HEMGN: variants seen among roughly 807,000 people sequenced by gnomAD.
HEMGN encodes the protein erythroid differentiation-associated gene protein.
A neutral mutation model predicts 45.7 loss-of-function variants in HEMGN; 32 were observed. The observed-to-expected ratio is 0.70, with a 90% CI of 0.53 to 0.94. The LOEUF (loss-of-function observed/expected upper bound fraction) is 0.94. Ranked by LOEUF, HEMGN falls within the 40% of genes least tolerant of loss-of-function variation. The pLI, the probability that HEMGN is intolerant of heterozygous loss-of-function variation, is 0.00. For synonymous variants in HEMGN, 183 were observed against 178.6 expected (o/e 1.02, Z -0.20); for missense variants, 530 against 564.2 (o/e 0.94, Z 0.61).
At chr9:97,938,385 G>A, upstream of HEMGN, 1 of 402,020 alleles carries the variant, frequency 2.5e-6, no homozygotes, top group Non-Finnish European at 4.4e-6. Flanking sequence ...AGCATAGGTT[G>A]CTATTTATAC....
At chr9:97,933,667 G>A (rs1361431103) in intron 2 of HEMGN, among the ~76,000 whole-genome samples, 1 of 152,158 alleles carries the variant, frequency 6.6e-6, no homozygotes, top group Non-Finnish European at 1.5e-5. Flanking sequence ...AAGGGCTCTG[G>A]CTACCAAGTA....
intron 3 of HEMGN, 71 bp downstream of exon 3, chr9:97,929,964 T>C: frequency 1.8e-6 from 2 of 1,091,118 alleles, no homozygotes; most frequent in South Asian, 2.9e-5. Context: ...ATACCCAGGA[T>C]TGTCAGAGAA....
intron 2 of HEMGN, 96 bp from the exon 3 acceptor site, chr9:97,931,317 C>T: frequency 1.2e-6 from 1 of 867,834 alleles, no homozygotes; most frequent in East Asian, 2.4e-5. Context: ...CCTCATTGCA[C>T]AAGTATCATG....
chr9:97,931,130 G>A lies in HEMGN; in HGVS notation c.265C>T (p.Gln89Ter), dbSNP rs373987605. The A allele has an allele frequency of 6.2e-7, 1 of 1,614,092 alleles. No individual in the cohort carries two copies. Among genetic ancestry groups the A allele is most frequent in the South Asian group, 1.1e-5 (1 of 91,086 alleles). Residue 89 changes from glutamine (Q) to a stop codon, truncating the protein, a stop_gained, in exon 3 of 4, where the codon CAG becomes TAG. Coordinates refer to ENST00000616898, the MANE Select transcript of HEMGN (RefSeq NM_197978.3). LOFTEE classifies it high-confidence loss of function. Reference sequence around the variant, plus strand: ...ACTATTTCCTTTTCTATCTGTGGCTGAGGCTCCACCTTCAATTCTGTGTTT... The same window carrying A: ...ACTATTTCCTTTTCTATCTGTGGCTAAGGCTCCACCTTCAATTCTGTGTTT... ...QQNTELKVEP[Q>*]PQIEKEIVEK...
chr9:97,940,222 G>A (rs774826835), upstream of HEMGN, among the ~76,000 whole-genome samples: 3 of 152,136 alleles, frequency 2.0e-5, no homozygotes, highest in East Asian at 1.9e-4. Context: ...CTGTAGAGAC[G>A]GATGGTGCAG....
upstream of HEMGN, among the ~76,000 whole-genome samples, chr9:97,942,274 C>CTTTTTTTTTTTTTTTTTTT (rs56055830): frequency 7.8e-6 from 1 of 128,188 alleles, no homozygotes. Context: ...CTAATTCCTT[C>CTTTTTTTTTTTTTTTTTTT]TTTTTTTTTT....
In HEMGN at chr9:97,931,073, T is replaced by A; in HGVS notation, c.322A>T (p.Thr108Ser). Residue 108 changes from threonine to serine, a missense_variant, in exon 3 of 4, where the codon ACT (threonine) becomes TCT (serine). Thr to Ser is a moderately conservative substitution (Grantham distance 58). Transcript: ENST00000616898. ...TTGGTTATGCTCCCAGGTGGCTCAG[T>A]TTTTTTCTCTATAGGTGCCAGTGCT... The part of the protein sequence containing the change: ...EKALAPIEKK[T>S]EPPGSITKVF... 2 of 1,614,042 alleles carry A rather than the reference T, an allele frequency of 1.2e-6. No homozygotes were observed. The highest frequency in any genetic ancestry group is 1.7e-6 in the Non-Finnish European group (2 of 1,180,012).
At position 97,931,018 on chromosome 9, in the gene HEMGN, T is replaced by A; in HGVS notation, c.377A>T (p.Lys126Ile). The change falls in exon 3 of 4, where the codon AAA becomes ATA. Residue 126 changes from lysine to isoleucine, a missense_variant. Transcript: ENST00000616898. ...AGAAAAGTGTTCCTCAGGCACAACT[T>A]TTTGCGGGGAGGCTACTGAAGGAAA... ...KVFPSVASPQKVVPEEHFSEI... is the reference protein window; with the variant it reads ...KVFPSVASPQIVVPEEHFSEI... The A allele has an allele frequency of 6.2e-7, 1 of 1,614,116 alleles. No individual in the cohort carries two copies. Among genetic ancestry groups the A allele is most frequent in the African/African-American group, 1.3e-5 (1 of 75,046 alleles).
At chr9:97,933,490 C>T (rs1826995632) in intron 2 of HEMGN, among the ~76,000 whole-genome samples, 1 of 152,160 alleles carries the variant, frequency 6.6e-6, no homozygotes, top group Non-Finnish European at 1.5e-5. Context: ...GCAGGCTGCA[C>T]AGATAAGGAG....
rs566990681 is a variant in HEMGN, at chr9:97,935,495, C to T, written c.173+676G>A. Among the ~76,000 whole-genome samples the T allele has an allele frequency of 2.7e-4, 41 of 152,300 alleles. 1 individual carries two copies. The highest frequency in any genetic ancestry group is 4.9e-4 in the Non-Finnish European group (33 of 68,024). Reference sequence around the variant, plus strand: ...AGCCCCCCACACAACAGGAAGTTCTCCTGCCCCCAGTGTCAGCAGTGCCAA... The same window carrying T: ...AGCCCCCCACACAACAGGAAGTTCTTCTGCCCCCAGTGTCAGCAGTGCCAA... On this transcript the variant is annotated intron_variant, in intron 2 of 3. Coordinates refer to ENST00000616898, the MANE Select transcript of HEMGN (RefSeq NM_197978.3).
chr9:97,934,376 G>A (rs964060531), intron 2 of HEMGN, among the ~76,000 whole-genome samples: 4 of 135,302 alleles, frequency 3.0e-5, no homozygotes, highest in Admixed American at 8.3e-5. Flanking sequence ...ATGAATGAGA[G>A]AAAGAGAAAA....
chr9:97,935,865 A>G (rs1947015), intron 2 of HEMGN, among the ~76,000 whole-genome samples: 14,109 of 152,224 alleles, frequency 0.093, 871 homozygotes, highest in Admixed American at 0.13. Context: ...TTCTATGTTT[A>G]TATTACCTAG....
chr9:97,935,909 C>T (rs1184273730), intron 2 of HEMGN, among the ~76,000 whole-genome samples: 2 of 152,110 alleles, frequency 1.3e-5, no homozygotes, highest in South Asian at 2.1e-4. Flanking sequence ...CAATATAATT[C>T]GGTTGCTCAG....
Position 97,930,955 on chromosome 9 carries a change from AAATTCTCCTGAT to A in HEMGN, c.428_439del (p.Tyr143_Asn146del). On this transcript the variant is annotated inframe_deletion, in exon 3 of 4. Transcript: ENST00000616898. ...TACTGCTATTTCTTGGTACTCAGAA[AAATTCTCCTGAT>A]ATATGTTACTTTCTTGACATATTTC... The A allele has an allele frequency of 6.2e-7, 1 of 1,614,188 alleles. No individual in the cohort carries two copies. The highest frequency in any genetic ancestry group is 8.5e-7 in the Non-Finnish European group (1 of 1,180,018).
At chr9:97,933,873 G>A (rs904247694) in intron 2 of HEMGN, among the ~76,000 whole-genome samples, 2 of 152,164 alleles carry the variant, frequency 1.3e-5, no homozygotes, top group Non-Finnish European at 2.9e-5. Context: ...GCTCACTAAG[G>A]TGTTATCCAT....
At chr9:97,929,968 C>G in intron 3 of HEMGN, 67 bp downstream of exon 3, 1 of 1,157,174 alleles carries the variant, frequency 8.6e-7, no homozygotes, top group Non-Finnish European at 1.3e-6. Context: ...CCAGGATTGT[C>G]AGAGAAAGTT....
At position 97,927,134 on chromosome 9, in the gene HEMGN, C is replaced by G. The variant is rs1004675320; in HGVS notation, c.*250G>C. 6.1e-5 allele frequency: 18 copies of G among 292,812 alleles called. No individual in the cohort carries two copies. Among genetic ancestry groups the G allele is most frequent in the African/African-American group, 3.3e-4 (15 of 45,584 alleles). 18.1% of individuals were successfully genotyped at this position (292,812 alleles called of 1,614,324 possible). The stretch of plus-strand genomic sequence containing the variant: ...CTCCCCGCTTCCTTATTTGTCTGTT[C>G]CCACCACTATCCTCTCCCCGACCTA... On this transcript the variant is annotated 3_prime_UTR_variant, in exon 4 of 4. Transcript: ENST00000616898.
chr9:97,940,410 A>G (rs1827135119), upstream of HEMGN, among the ~76,000 whole-genome samples: 1 of 152,098 alleles, frequency 6.6e-6, no homozygotes, highest in East Asian at 1.9e-4. Flanking sequence ...TGGGGTTTCA[A>G]GTTAACAGTA....
chr9:97,931,959 C>T (rs1826961848), intron 2 of HEMGN, among the ~76,000 whole-genome samples: 3 of 151,972 alleles, frequency 2.0e-5, no homozygotes, highest in Admixed American at 2.0e-4. Flanking sequence ...CAAATACAAC[C>T]AAATACAGAT....
Sources: gnomAD v4.1 joint callset for allele counts (sites outside exome capture counted in the v4.1 genomes callset) on GRCh38, gnomAD v4.1.1 for gene constraint, MANE v1.5 for transcripts, NCBI Gene and HGNC (gene_info 2026-07-23, HGNC 2026-07-21) for gene names.